The following TBC1D1 variants were observed in gnomAD, a reference collection of about 807,000 sequenced individuals.
The protein encoded by TBC1D1 is TBC1 domain family member 1.
In TBC1D1, 89 loss-of-function variants were observed where a neutral mutation model predicts 125.6. The ratio of observed to expected loss-of-function variants is 0.71; its 90% CI spans 0.60 to 0.85. The LOEUF (loss-of-function observed/expected upper bound fraction) is 0.85, where lower values mean the gene tolerates loss of function less well. TBC1D1 is among the 40% of genes least tolerant of loss of function. TBC1D1 has a pLI of 0.00. For missense variants in TBC1D1, 1,377 were observed against 1,469.2 expected (o/e 0.94, Z 1.03); for synonymous variants, 565 against 564.1 (o/e 1.00, Z -0.02).
At chr4:38,051,790 T>C in intron 11 of TBC1D1, 109 bp from the exon 12 acceptor site, 1 of 1,069,860 alleles carries the variant, frequency 9.3e-7, no homozygotes, top group South Asian at 1.6e-5. Flanking sequence ...ATAGTGTTAC[T>C]GGAACAACGA....
rs546932073 is a variant in TBC1D1 at position 38,117,983 on chromosome 4, T to C, written c.2803-50T>C. 7.1e-5 allele frequency: 112 copies of C among 1,572,388 alleles called. No homozygotes were observed. The South Asian group carries it at 9.5e-4, about 13-fold the overall frequency. ...CCTGTGAGCAGTAGGCATAACTTTATTGCTGTGGCAGATCCCTAATTCTCA... is the reference window on the plus strand; with the variant it reads ...CCTGTGAGCAGTAGGCATAACTTTACTGCTGTGGCAGATCCCTAATTCTCA... On this transcript the variant is annotated intron_variant, in intron 16 of 19. Transcript: ENST00000261439.
At chr4:37,993,983 C>A (rs775896744) in intron 2 of TBC1D1, among the ~76,000 whole-genome samples, 1 of 152,198 alleles carries the variant, frequency 6.6e-6, no homozygotes, top group Non-Finnish European at 1.5e-5. Flanking sequence ...TCCAGAAATT[C>A]CCTGATTGTA....
At chr4:38,046,384 CAGT>C (rs1749482127) in intron 10 of TBC1D1, among the ~76,000 whole-genome samples, 1 of 150,330 alleles carries the variant, frequency 6.7e-6, no homozygotes, top group Non-Finnish European at 1.5e-5. Flanking sequence ...AAAAAAAAAG[CAGT>C]AGATTTTCCT....
chr4:38,008,432 G>A (rs1740797084), intron 2 of TBC1D1, among the ~76,000 whole-genome samples: 1 of 152,146 alleles, frequency 6.6e-6, no homozygotes, highest in African/African-American at 2.4e-5. Flanking sequence ...TTTTGTGTTT[G>A]CATAGACCAT....
chr4:37,988,348 A>C (rs1052897551), intron 2 of TBC1D1, among the ~76,000 whole-genome samples: 2 of 152,178 alleles, frequency 1.3e-5, no homozygotes, highest in Non-Finnish European at 2.9e-5. Flanking sequence ...TACCTTTGAT[A>C]AGGAGGAAAG....
chr4:37,942,740 C>T (rs1725838390), intron 2 of TBC1D1, among the ~76,000 whole-genome samples: 1 of 152,102 alleles, frequency 6.6e-6, no homozygotes. Flanking sequence ...CGGGGTTTCA[C>T]CATGTTAGCC....
chr4:38,091,339 C>T (rs1237724574), intron 13 of TBC1D1, among the ~76,000 whole-genome samples: 3 of 152,194 alleles, frequency 2.0e-5, no homozygotes, highest in Non-Finnish European at 2.9e-5. Context: ...GATGATAGCA[C>T]ACTGGGGGGC....
chr4:37,994,421 CTGAGACTATAGG>C lies in TBC1D1; in HGVS notation c.418-20085_418-20074del, dbSNP rs1228764326. 2.6e-5 allele frequency among the ~76,000 whole-genome samples: 4 copies of C among 152,200 alleles called. No homozygotes were observed. The East Asian group carries it at 7.8e-4, about 30-fold the overall frequency. On this transcript the variant is annotated intron_variant, in intron 2 of 19. Transcript: ENST00000261439. Reference sequence around the variant, plus strand: ...TCCCCTGCCTCAGCCTCCTAAATAGCTGAGACTATAGGTGTGCACCACTGTGTTGCCCAGGCT... The same window carrying C: ...TCCCCTGCCTCAGCCTCCTAAATAGCTGTGCACCACTGTGTTGCCCAGGCT...
chr4:37,909,842 T>C (rs964296428), intron 2 of TBC1D1, among the ~76,000 whole-genome samples: 5 of 152,174 alleles, frequency 3.3e-5, no homozygotes, highest in African/African-American at 9.7e-5. Context: ...ATGCAGCAGC[T>C]ATGACTCAGT....
At chr4:38,132,303 G>C (rs1431723921) in intron 18 of TBC1D1, among the ~76,000 whole-genome samples, 2 of 152,014 alleles carry the variant, frequency 1.3e-5, no homozygotes, top group Non-Finnish European at 2.9e-5. Context: ...TTCTCTCATA[G>C]AAACAACTGG....
intron 12 of TBC1D1, among the ~76,000 whole-genome samples, chr4:38,082,288 C>T (rs965436668): frequency 5.9e-5 from 9 of 152,182 alleles, no homozygotes; most frequent in African/African-American, 9.7e-5. Context: ...GGCCCAGCTT[C>T]CCAGACACAG....
intron 11 of TBC1D1, among the ~76,000 whole-genome samples, chr4:38,053,983 G>T (rs1359362344): frequency 6.6e-6 from 1 of 152,188 alleles, no homozygotes; most frequent in Non-Finnish European, 1.5e-5. Context: ...TCACTTAAGG[G>T]CATGTAATCT....
At chr4:37,997,179 G>A (rs1737987095) in intron 2 of TBC1D1, among the ~76,000 whole-genome samples, 1 of 152,200 alleles carries the variant, frequency 6.6e-6, no homozygotes, top group Non-Finnish European at 1.5e-5. Context: ...TGAACCATTA[G>A]CTTCACGAGA....
At chr4:37,917,877 C>T (rs1230802890) in intron 2 of TBC1D1, among the ~76,000 whole-genome samples, 1 of 152,002 alleles carries the variant, frequency 6.6e-6, no homozygotes, top group African/African-American at 2.4e-5. Context: ...CATCTGCTTC[C>T]AAACAGATAC....
chr4:38,025,858 A>G (rs1176954977), intron 6 of TBC1D1, among the ~76,000 whole-genome samples: 1 of 152,200 alleles, frequency 6.6e-6, no homozygotes, highest in African/African-American at 2.4e-5. Flanking sequence ...GAGTGACTGC[A>G]TTGCACTTTG....
intron 2 of TBC1D1, among the ~76,000 whole-genome samples, chr4:37,965,066 G>T (rs777804122): frequency 6.6e-6 from 1 of 152,240 alleles, no homozygotes; most frequent in African/African-American, 2.4e-5. Context: ...CCTAGGTGAG[G>T]CCTTTGGTGA....
intron 2 of TBC1D1, among the ~76,000 whole-genome samples, chr4:37,917,348 G>T (rs548102490): frequency 6.6e-6 from 1 of 151,964 alleles, no homozygotes; most frequent in Admixed American, 6.6e-5. Context: ...GGTGGCAGGC[G>T]CCTGTAATCC....
intron 15 of TBC1D1, among the ~76,000 whole-genome samples, chr4:38,109,675 A>G (rs1240751095): frequency 6.6e-6 from 1 of 152,148 alleles, no homozygotes; most frequent in African/African-American, 2.4e-5. Flanking sequence ...CCCAAAAACA[A>G]TCTGCTCCTA....
Position 37,977,475 on chromosome 4 carries a change from G to A in TBC1D1, c.418-37034G>A. ...GGCGGGAGTGAGCGGGAGCCGGCGG[G>A]CGAAGAGCCGCCGCCCGGCCCGCGA... On this transcript the variant is annotated intron_variant, in intron 2 of 19. Transcript: ENST00000261439. The surrounding 1 kb of genome is among the most constrained non-coding windows in gnomAD (Gnocchi z 4.3). The A allele has an allele frequency of 1.0e-6, 1 of 988,300 alleles. No individual in the cohort carries two copies. Among genetic ancestry groups the A allele is most frequent in the Non-Finnish European group, 1.2e-6 (1 of 827,676 alleles). The allele number at this position is 988,300 out of a possible 1,614,324, so 61.2% of individuals were successfully genotyped here.
Sources: gnomAD v4.1 joint callset for allele counts (sites outside exome capture counted in the v4.1 genomes callset) on GRCh38, gnomAD v4.1.1 for gene constraint, Gnocchi (gnomAD v3.1) non-coding constraint, MANE v1.5 for transcripts, NCBI Gene and HGNC (gene_info 2026-07-23, HGNC 2026-07-21) for gene names.